WDR93: variants seen among roughly 807,000 people sequenced by gnomAD.
The protein encoded by WDR93 is WD repeat domain 93, also known as WD repeat-containing protein 93.
In WDR93, 73 loss-of-function variants were observed where a neutral mutation model predicts 82.9. The observed-to-expected ratio is 0.88, with a 90% CI of 0.73 to 1.07. WDR93 has a LOEUF of 1.07. WDR93 is among the 50% of genes least tolerant of loss of function. The pLI is 0.00. For synonymous variants in WDR93, 283 were observed against 300.1 expected (o/e 0.94, Z 0.59); for missense variants, 738 against 826.0 (o/e 0.89, Z 1.31).
chr15:89,695,432 C>G (rs1965121434), intron 1 of WDR93, among the ~76,000 whole-genome samples: 1 of 152,160 alleles, frequency 6.6e-6, no homozygotes, highest in Non-Finnish European at 1.5e-5. Flanking sequence ...CTCCTGGACT[C>G]AAAGCAATCC....
chr15:89,743,292 C>A lies in WDR93; in HGVS notation c.1962C>A (p.Ser654Arg). Residue 654 changes from serine to arginine, a missense_variant and splice_region_variant, in exon 17 of 17, where the codon AGC becomes AGA. By Grantham distance (110) the Ser-to-Arg change is moderately radical (BLOSUM62 -1). Transcript: ENST00000268130. The stretch of plus-strand genomic sequence containing the variant: ...CTCATCACAGTTGTGTGGCCCTCAG[C>A]TATCGGAAGCTGGAGAAGAACCCAG... ...EKRCERFLQK[S>R]YRKLEKNPEK... 1 of 1,614,102 alleles carries A rather than the reference C, an allele frequency of 6.2e-7. No individual in the cohort carries two copies. Among genetic ancestry groups the A allele is most frequent in the African/African-American group, 1.3e-5 (1 of 75,048 alleles).
In WDR93 at chr15:89,738,116, C is replaced by A; in HGVS notation, c.1841C>A (p.Ala614Asp). Reference protein sequence around the residue: ...QYSVFYFNFEACPLLENISKN... With the variant: ...QYSVFYFNFEDCPLLENISKN... The stretch of plus-strand genomic sequence containing the variant: ...TCTGTTTTCTATTTTAATTTTGAGG[C>A]CTGCCCACTCCTGGAAAATATCTCA... Residue 614 changes from alanine to aspartate, a missense_variant, in exon 16 of 17, where the codon GCC becomes GAC. Coordinates refer to ENST00000268130, the MANE Select transcript of WDR93 (RefSeq NM_020212.2). 6.2e-7 allele frequency: 1 copy of A among 1,614,072 alleles called. No homozygotes were observed. Among genetic ancestry groups the A allele is most frequent in the Non-Finnish European group, 8.5e-7 (1 of 1,179,984 alleles).
chr15:89,693,131 C>T (rs1193029370), intron 1 of WDR93, among the ~76,000 whole-genome samples: 1 of 152,102 alleles, frequency 6.6e-6, no homozygotes, highest in East Asian at 1.9e-4. Context: ...TTTGTGTTGT[C>T]TCTAATTTGA....
At chr15:89,712,193 T>A in intron 5 of WDR93, 89 bp downstream of exon 5, 1 of 1,070,542 alleles carries the variant, frequency 9.3e-7, no homozygotes, top group Non-Finnish European at 1.3e-6. Context: ...AACCTTTTAT[T>A]TAGAAATTAT....
intron 7 of WDR93, among the ~76,000 whole-genome samples, chr15:89,720,266 A>G (rs1163524201): frequency 1.3e-5 from 2 of 151,890 alleles, no homozygotes. Flanking sequence ...TTCTTTGACT[A>G]GTAGGTTTTT....
intron 7 of WDR93, among the ~76,000 whole-genome samples, chr15:89,720,499 C>G (rs370991075): frequency 6.6e-6 from 1 of 152,130 alleles, no homozygotes; most frequent in Admixed American, 6.5e-5. Flanking sequence ...TCTTGAACTC[C>G]TGACCTCGTG....
At chr15:89,740,295 C>G (rs1967556375) in intron 16 of WDR93, among the ~76,000 whole-genome samples, 1 of 152,136 alleles carries the variant, frequency 6.6e-6, no homozygotes, top group Non-Finnish European at 1.5e-5. Flanking sequence ...CAGGGGCGTT[C>G]AAGTCCTTCC....
At chr15:89,738,276 G>A (rs1274605755) in intron 16 of WDR93, 40 bp downstream of exon 16, 4 of 1,535,136 alleles carry the variant, frequency 2.6e-6, no homozygotes, top group Non-Finnish European at 3.5e-6. Context: ...CACATCTGAG[G>A]TTGTCTCTGG....
chr15:89,698,752 A>AT (rs1038987704), intron 1 of WDR93, among the ~76,000 whole-genome samples: 49 of 151,394 alleles, frequency 3.2e-4, no homozygotes, highest in African/African-American at 1.0e-3. Flanking sequence ...CTACATTTTT[A>AT]TTTTTTTGTT....
chr15:89,707,675 AT>A (rs1386795745), intron 4 of WDR93, among the ~76,000 whole-genome samples: 1 of 152,246 alleles, frequency 6.6e-6, no homozygotes, highest in East Asian at 1.9e-4. Flanking sequence ...ATATGCAACA[AT>A]TGGAACTCTT....
chr15:89,727,461 C>T (rs1441157808), intron 9 of WDR93, 133 bp downstream of exon 9: 6 of 1,033,394 alleles, frequency 5.8e-6, no homozygotes, highest in African/African-American at 1.6e-5. Context: ...GACAGTGGCC[C>T]ACATCTGTAA....
intron 16 of WDR93, among the ~76,000 whole-genome samples, chr15:89,740,812 T>C (rs1967609091): frequency 1.3e-5 from 2 of 152,122 alleles, no homozygotes; most frequent in South Asian, 4.1e-4. Context: ...TGATTTTATT[T>C]AAAAGCTGCA....
intron 8 of WDR93, 64 bp from the exon 9 acceptor site, chr15:89,727,093 T>C: frequency 1.3e-6 from 2 of 1,547,056 alleles, no homozygotes; most frequent in African/African-American, 1.4e-5. Flanking sequence ...GTGGAAGAAG[T>C]AGGGGAAAAT....
intron 16 of WDR93, 95 bp downstream of exon 16, chr15:89,738,331 T>C: frequency 2.8e-6 from 4 of 1,417,862 alleles, no homozygotes; most frequent in Admixed American, 2.4e-5. Context: ...CCTTTCAGCA[T>C]TGAAATTTCC....
chr15:89,693,644 C>G lies in WDR93; in HGVS notation c.-41+2787C>G, dbSNP rs116011220. On this transcript the variant is annotated intron_variant, in intron 1 of 16. Transcript: ENST00000268130. ...AATAAATACAATTTAAACAAACAAA[C>G]AGAAGCCATGTCTCAGGAGCAAGAC... Among the ~76,000 whole-genome samples the G allele has an allele frequency of 5.5e-3, 838 of 152,260 alleles. 4 individuals carry two copies. Among genetic ancestry groups the G allele is most frequent in the African/African-American group, 0.019 (808 of 41,548 alleles).
At chr15:89,719,259 T>A (rs983377563) in intron 7 of WDR93, among the ~76,000 whole-genome samples, 1 of 152,206 alleles carries the variant, frequency 6.6e-6, no homozygotes, top group Non-Finnish European at 1.5e-5. Context: ...GTCTAATTTT[T>A]AAAAATTTTT....
At chr15:89,727,771 T>C (rs542470687) in intron 9 of WDR93, among the ~76,000 whole-genome samples, 1 of 152,004 alleles carries the variant, frequency 6.6e-6, no homozygotes, top group South Asian at 2.1e-4. Context: ...TCTTTTTAAA[T>C]TTTTTTTTCT....
intron 4 of WDR93, among the ~76,000 whole-genome samples, chr15:89,709,869 A>T (rs562325949): frequency 9.2e-5 from 14 of 152,120 alleles, no homozygotes; most frequent in South Asian, 4.1e-4. Context: ...ATAAAAAAAA[A>T]AATAATCAAG....
In WDR93 at chr15:89,727,324, C is replaced by G. The variant is rs376682925; in HGVS notation, c.1048C>G (p.Leu350Val). 3.7e-6 allele frequency: 6 copies of G among 1,613,580 alleles called. No individual in the cohort carries two copies. The African/African-American group carries it at 5.3e-5, about 14-fold the overall frequency. The change falls in exon 9 of 17, where the codon CTC becomes GTC. Residue 350 changes from leucine (L) to valine (V), a missense_variant. Leu to Val is a conservative substitution (Grantham distance 32). Transcript: ENST00000268130. Reference protein sequence around the residue: ...YLDREWEEEPLSTATFYFLLP... With the variant: ...YLDREWEEEPVSTATFYFLLP... ...AGATAGGGAGTGGGAGGAAGAGCCA[C>G]TCAGGTGAGCCTCCTAATCCCGGGA...
Sources: allele counts gnomAD v4.1 joint callset (sites outside exome capture counted in the v4.1 genomes callset), GRCh38; gene constraint gnomAD v4.1.1; transcripts MANE v1.5; gene names NCBI Gene and HGNC (gene_info 2026-07-23, HGNC 2026-07-21).